RGPD2: variants seen among roughly 807,000 people sequenced by gnomAD.
RGPD2 encodes the protein RANBP2 like and GRIP domain containing 2.
Under a neutral mutation model 36.0 loss-of-function variants are expected in RGPD2, and 2 were observed. The observed-to-expected ratio is 0.06, with a 90% CI of 0.02 to 0.17. RGPD2 has a LOEUF of 0.17. Ranked by LOEUF, RGPD2 falls within the 10% of genes least tolerant of loss-of-function variation. The pLI is 1.00. For synonymous variants in RGPD2, 19 were observed against 163.8 expected, an observed-to-expected ratio of 0.12 and a Z score of 6.75; for missense variants, 40 against 464.3, an observed-to-expected ratio of 0.09 and a Z score of 8.40.
upstream of RGPD2, chr2:87,825,904 T>G (rs890948650): frequency 9.8e-6 from 8 of 815,606 alleles, no homozygotes; most frequent in African/African-American, 1.3e-4. Context: ...GCGCTCGAGC[T>G]GCACTCGGCC....
the RGPD2 span, among the ~76,000 whole-genome samples, chr2:87,879,544 G>A: frequency 9.6e-6 from 1 of 104,148 alleles, no homozygotes; most frequent in Non-Finnish European, 1.8e-5. Context: ...GTTTCTAGCT[G>A]CCACATATAA....
At chr2:87,962,234 TAGTG>T in the RGPD2 span, among the ~76,000 whole-genome samples, 1 of 151,992 alleles carries the variant, frequency 6.6e-6, no homozygotes, top group African/African-American at 2.4e-5. Context: ...ACATTTTTAA[TAGTG>T]AGAGCCTTTT....
At chr2:87,915,390 T>C in the RGPD2 span, among the ~76,000 whole-genome samples, 1 of 141,992 alleles carries the variant, frequency 7.0e-6, no homozygotes, top group South Asian at 2.1e-4. Context: ...ATATTGTATA[T>C]ATATGTATAT....
At chr2:87,937,346 T>C in the RGPD2 span, among the ~76,000 whole-genome samples, 8 of 151,788 alleles carry the variant, frequency 5.3e-5, no homozygotes, top group African/African-American at 1.9e-4. Flanking sequence ...TTCAAGGGTG[T>C]GTTAGTCTGT....
chr2:87,963,679 CAAAAAAAAAA>C, the RGPD2 span, among the ~76,000 whole-genome samples: 1 of 54,264 alleles, frequency 1.8e-5, no homozygotes, highest in South Asian at 5.9e-4. Flanking sequence ...GACCCTGTCT[CAAAAAAAAAA>C]AAAAAAAAAA....
chr2:87,847,584 C>T, the RGPD2 span, among the ~76,000 whole-genome samples: 2 of 150,660 alleles, frequency 1.3e-5, no homozygotes, highest in East Asian at 1.9e-4. Context: ...CTGTAACCTC[C>T]GCGTCCAGGG....
the RGPD2 span, among the ~76,000 whole-genome samples, chr2:87,983,908 G>A: frequency 1.3e-5 from 2 of 152,338 alleles, no homozygotes; most frequent in East Asian, 3.9e-4. Context: ...AGACCAGGAA[G>A]GTGAGCAAGG....
chr2:87,920,024 T>C, the RGPD2 span, among the ~76,000 whole-genome samples: 2 of 151,956 alleles, frequency 1.3e-5, no homozygotes, highest in African/African-American at 4.8e-5. Context: ...AAATGAATGG[T>C]ATTTTCACAA....
the RGPD2 span, among the ~76,000 whole-genome samples, chr2:87,917,034 G>A: frequency 8.6e-3 from 1,311 of 152,120 alleles, 14 homozygotes; most frequent in African/African-American, 0.015. Flanking sequence ...GTGACTTGAC[G>A]AAAGTGACAA....
chr2:87,827,348 G>C (rs1400206440), upstream of RGPD2, among the ~76,000 whole-genome samples: 2 of 152,242 alleles, frequency 1.3e-5, no homozygotes, highest in African/African-American at 4.8e-5. Context: ...TTCCATAGTA[G>C]AATAAAAAAA....
At chr2:87,781,513 T>G (rs1236051574) in intron 20 of RGPD2, among the ~76,000 whole-genome samples, 7 of 147,422 alleles carry the variant, frequency 4.7e-5, no homozygotes, top group Non-Finnish European at 8.9e-5. Context: ...CAGGCTGGAG[T>G]GCAGTGGCAT....
At chr2:87,840,158 C>A in the RGPD2 span, among the ~76,000 whole-genome samples, 2 of 132,538 alleles carry the variant, frequency 1.5e-5, no homozygotes, top group African/African-American at 2.9e-5. Flanking sequence ...AAATTCTAAT[C>A]CAGTGACTGG....
chr2:87,963,740 C>T, the RGPD2 span, among the ~76,000 whole-genome samples: 1 of 106,790 alleles, frequency 9.4e-6, no homozygotes, highest in South Asian at 3.2e-4. Flanking sequence ...CTTGCCCAAA[C>T]ACACTCACCT....
chr2:87,857,614 C>T, the RGPD2 span, among the ~76,000 whole-genome samples: 8 of 151,702 alleles, frequency 5.3e-5, no homozygotes, highest in African/African-American at 9.7e-5. Context: ...AGTGAGCCAC[C>T]GCGCCTGGCC....
chr2:87,867,133 C>G, the RGPD2 span, among the ~76,000 whole-genome samples: 1 of 150,478 alleles, frequency 6.6e-6, no homozygotes, highest in Non-Finnish European at 1.5e-5. Flanking sequence ...TCCATGCATC[C>G]CCCGAGACAC....
the RGPD2 span, among the ~76,000 whole-genome samples, chr2:87,963,520 GAAATT>G: frequency 1.1e-5 from 1 of 87,088 alleles, no homozygotes; most frequent in Non-Finnish European, 2.4e-5. Flanking sequence ...CAAAAAAAGA[GAAATT>G]AAAAACTAGC....
chr2:87,825,503 CG>C (rs1686722387), intron 1 of RGPD2, among the ~76,000 whole-genome samples, 154 bp downstream of exon 1: 1 of 68,478 alleles, frequency 1.5e-5, no homozygotes, highest in African/African-American at 5.6e-5. Context: ...CGGCCGAGGC[CG>C]AGGCCGAGGC....
chr2:87,845,462 A>AT, the RGPD2 span, among the ~76,000 whole-genome samples: 8 of 151,358 alleles, frequency 5.3e-5, no homozygotes, highest in Non-Finnish European at 1.0e-4. Flanking sequence ...ATATAAAGCT[A>AT]TTTTTTCATT....
At chr2:87,879,093 C>T in the RGPD2 span, among the ~76,000 whole-genome samples, 3 of 152,158 alleles carry the variant, frequency 2.0e-5, no homozygotes, top group Admixed American at 2.0e-4. Flanking sequence ...TGGGTATATA[C>T]ATAGTAGTGG....
Sources: gnomAD v4.1 joint callset for allele counts (sites outside exome capture counted in the v4.1 genomes callset) on GRCh38, gnomAD v4.1.1 for gene constraint, MANE v1.5 for transcripts, NCBI Gene and HGNC (gene_info 2026-07-23, HGNC 2026-07-21) for gene names.